Variants in STXBP5L observed in about 807,000 individuals in gnomAD.
STXBP5L encodes syntaxin binding protein 5L.
A neutral mutation model predicts 144.5 loss-of-function variants in STXBP5L; 65 were observed. That is an observed-to-expected ratio of 0.45 (90% CI 0.37 to 0.55). The LOEUF is 0.55. Ranked by LOEUF, STXBP5L falls within the 20% of genes least tolerant of loss-of-function variation. The pLI is 0.00. For missense variants in STXBP5L, 1,298 were observed against 1,405.5 expected, an observed-to-expected ratio of 0.92 and a Z score of 1.22; for synonymous variants, 505 against 469.6, an observed-to-expected ratio of 1.08 and a Z score of -0.97.
At chr3:121,231,129 T>C (rs1035382946) in intron 11 of STXBP5L, among the ~76,000 whole-genome samples, 1 of 152,178 alleles carries the variant, frequency 6.6e-6, no homozygotes, top group Non-Finnish European at 1.5e-5. Context: ...TCCTCTTGTT[T>C]ATAATATGCA....
At chr3:121,325,791 G>T (rs568839106) in intron 20 of STXBP5L, among the ~76,000 whole-genome samples, 62 of 151,846 alleles carry the variant, frequency 4.1e-4, no homozygotes, top group African/African-American at 1.5e-3. Flanking sequence ...TTTTTCATAT[G>T]TATTATCTTT....
chr3:121,407,750 C>A (rs992592278), intron 23 of STXBP5L, 147 bp downstream of exon 23: 1 of 1,159,622 alleles, frequency 8.6e-7, no homozygotes, highest in Non-Finnish European at 1.2e-6. Flanking sequence ...TATTGTTCAA[C>A]GATTTGATGA....
chr3:121,370,340 C>G (rs547227267), intron 20 of STXBP5L, among the ~76,000 whole-genome samples: 1 of 152,128 alleles, frequency 6.6e-6, no homozygotes, highest in African/African-American at 2.4e-5. Flanking sequence ...TGCACTCCAC[C>G]CCGGGCAACA....
At chr3:121,043,439 G>A (rs901476920) in intron 4 of STXBP5L, among the ~76,000 whole-genome samples, 2 of 151,672 alleles carry the variant, frequency 1.3e-5, no homozygotes, top group African/African-American at 2.4e-5. Flanking sequence ...GGCCGGGCGC[G>A]GTGGCTCACG....
rs184321503 is a variant in STXBP5L at position 120,985,924 on chromosome 3, T to C, written c.287+30887T>C. Among the ~76,000 whole-genome samples the C allele has an allele frequency of 2.4e-4, 36 of 152,076 alleles. No individual in the cohort carries two copies. In the East Asian group the frequency reaches 5.0e-3, roughly 21 times the overall value. On this transcript the variant is annotated intron_variant, in intron 3 of 26. Coordinates refer to ENST00000471454, the MANE Select transcript of STXBP5L (RefSeq NM_001308330.2). ...TTCTCTATTTTTAATTTGTCTCTGC[T>C]CTAATCTTTATTATACCCTTTGTTC... is the stretch of plus-strand genomic sequence containing the variant.
rs74357005 is a variant in STXBP5L, at chr3:120,909,222, A to G, written c.-8-349A>G. The G allele has an allele frequency of 2.8e-5, 6 of 212,538 alleles. No homozygotes were observed. In the East Asian group the frequency reaches 1.0e-3, roughly 35 times the overall value. 13.2% of individuals were successfully genotyped at this position (212,538 alleles called of 1,614,324 possible). On this transcript the variant is annotated intron_variant, in intron 1 of 26. Transcript: ENST00000471454. ...TTGAACTCTGGTTTGATTGTATAAT[A>G]ATGATGATATAATGCTAATGACGAT...
At chr3:120,968,968 T>C (rs1450452929) in intron 3 of STXBP5L, among the ~76,000 whole-genome samples, 1 of 152,142 alleles carries the variant, frequency 6.6e-6, no homozygotes, top group East Asian at 1.9e-4. Context: ...GTTAGTTCCA[T>C]ATCTTTGCAA....
chr3:120,940,790 G>A (rs1201996108), intron 2 of STXBP5L, among the ~76,000 whole-genome samples: 1 of 151,664 alleles, frequency 6.6e-6, no homozygotes, highest in Non-Finnish European at 1.5e-5. Flanking sequence ...TTATTAGTGT[G>A]CTGGTATTCG....
At chr3:120,927,995 G>A (rs1709726570) in intron 2 of STXBP5L, among the ~76,000 whole-genome samples, 1 of 152,148 alleles carries the variant, frequency 6.6e-6, no homozygotes, top group Non-Finnish European at 1.5e-5. Flanking sequence ...AATATTGAGA[G>A]AATAGGGTGC....
At chr3:120,915,518 T>C (rs567942165) in intron 2 of STXBP5L, among the ~76,000 whole-genome samples, 3 of 152,270 alleles carry the variant, frequency 2.0e-5, no homozygotes, top group Admixed American at 1.3e-4. Context: ...ATGGAACTTT[T>C]TGTTCCTACT....
chr3:121,088,163 C>T (rs998513089), intron 5 of STXBP5L, among the ~76,000 whole-genome samples: 1 of 148,304 alleles, frequency 6.7e-6, no homozygotes, highest in East Asian at 2.0e-4. Context: ...CAAACTACAA[C>T]ATGGGAGAAA....
chr3:121,035,344 T>G (rs1946677885), intron 3 of STXBP5L, among the ~76,000 whole-genome samples: 1 of 152,158 alleles, frequency 6.6e-6, no homozygotes, highest in Non-Finnish European at 1.5e-5. Context: ...TAGTTTGAGG[T>G]CATACATTTA....
chr3:121,402,334 AATGT>A (rs2046898511), intron 22 of STXBP5L, among the ~76,000 whole-genome samples: 1 of 152,174 alleles, frequency 6.6e-6, no homozygotes, highest in African/African-American at 2.4e-5. Context: ...AAGTTTAAAC[AATGT>A]ATGTAAGGGA....
At position 120,923,132 on chromosome 3, in the gene STXBP5L, A is replaced by C. The variant is rs542888653; in HGVS notation, c.189+13365A>C. Among the ~76,000 whole-genome samples the C allele has an allele frequency of 2.6e-5, 4 of 152,012 alleles. No homozygotes were observed. The East Asian group carries it at 5.8e-4, about 22-fold the overall frequency. Reference sequence around the variant, plus strand: ...CTTCTAAATTTTCTAATTTGTTTGCATACAGTTGTTCACAATAGTGTCTAA... The same window carrying C: ...CTTCTAAATTTTCTAATTTGTTTGCCTACAGTTGTTCACAATAGTGTCTAA... On this transcript the variant is annotated intron_variant, in intron 2 of 26. Transcript: ENST00000471454.
At chr3:121,026,037 TA>T (rs869110103) in intron 3 of STXBP5L, among the ~76,000 whole-genome samples, 10 of 91,540 alleles carry the variant, frequency 1.1e-4, no homozygotes, top group African/African-American at 3.4e-5. Flanking sequence ...TTATAAGTTA[TA>T]TATAATTATA....
intron 5 of STXBP5L, among the ~76,000 whole-genome samples, chr3:121,058,585 C>T (rs1446943482): frequency 6.6e-6 from 1 of 152,176 alleles, no homozygotes; most frequent in East Asian, 1.9e-4. Context: ...AATTTACACT[C>T]CCACCAACAG....
At chr3:121,323,293 G>A (rs1252386741) in intron 20 of STXBP5L, among the ~76,000 whole-genome samples, 1 of 152,082 alleles carries the variant, frequency 6.6e-6, no homozygotes. Flanking sequence ...GTGTTTCCTA[G>A]GTTTTCTTCT....
chr3:121,006,245 G>A (rs906690215), intron 3 of STXBP5L, among the ~76,000 whole-genome samples: 5 of 152,138 alleles, frequency 3.3e-5, no homozygotes, highest in African/African-American at 1.2e-4. Flanking sequence ...CCTGTATTGG[G>A]TGCATATATA....
intron 2 of STXBP5L, among the ~76,000 whole-genome samples, chr3:120,933,017 A>G (rs1432658439): frequency 7.4e-6 from 1 of 135,750 alleles, no homozygotes. Context: ...TGGACATAGG[A>G]AGGGGAACAT....
Sources: gnomAD v4.1 joint callset for allele counts (sites outside exome capture counted in the v4.1 genomes callset) on GRCh38, gnomAD v4.1.1 for gene constraint, MANE v1.5 for transcripts, NCBI Gene and HGNC (gene_info 2026-07-23, HGNC 2026-07-21) for gene names.